Variants in ZFAND3 observed in about 807,000 individuals in gnomAD.
ZFAND3 encodes the protein zinc finger AN1-type containing 3.
In ZFAND3, 10 loss-of-function variants were observed where a neutral mutation model predicts 29.6. The observed-to-expected ratio is 0.34, with a 90% confidence interval of 0.21 to 0.57. ZFAND3 has a LOEUF of 0.57. Ranked by LOEUF, ZFAND3 falls within the 20% of genes least tolerant of loss-of-function variation. The pLI is 0.86. For synonymous variants in ZFAND3, 128 were observed against 112.6 expected (o/e 1.14, Z -0.87); for missense variants, 230 against 304.5 (o/e 0.76, Z 1.82).
chr6:37,867,657 A>G (rs923452321), intron 1 of ZFAND3, among the ~76,000 whole-genome samples: 8 of 152,214 alleles, frequency 5.3e-5, no homozygotes, highest in Admixed American at 3.3e-4. Flanking sequence ...AACTGTTTGC[A>G]TATTTTACTG....
chr6:38,091,179 G>A (rs1037658891), intron 4 of ZFAND3, among the ~76,000 whole-genome samples: 3 of 152,184 alleles, frequency 2.0e-5, no homozygotes, highest in Non-Finnish European at 4.4e-5. Context: ...GTGGCTTGTT[G>A]CTCTTTTGGA....
rs558371951 is a variant in ZFAND3, at chr6:38,043,511, C to A, written c.113-18082C>A. 6.0e-5 allele frequency among the ~76,000 whole-genome samples: 9 copies of A among 149,544 alleles called. No individual in the cohort carries two copies. The South Asian group carries it at 1.9e-3, about 32-fold the overall frequency. ...TTTCTCTTTTCTTCCTCCCTTCCTC[C>A]CTCCCTCTCTCCTTTTCTCCCCTCT... On this transcript the variant is annotated intron_variant, in intron 2 of 5. Coordinates refer to ENST00000287218, the MANE Select transcript of ZFAND3 (RefSeq NM_021943.3).
rs1011596700 is a variant in ZFAND3 at position 38,154,290 on chromosome 6, G to C, written c.*1901G>C. The C allele has an allele frequency of 7.1e-6, 7 of 985,208 alleles. No individual in the cohort carries two copies. The African/African-American group carries it at 1.0e-4, about 15-fold the overall frequency. 61.0% of individuals were successfully genotyped at this position (985,208 alleles called of 1,614,324 possible). A position where few individuals can be genotyped will look rare whatever the true frequency, so the allele number is the denominator to read the frequency against. On this transcript the variant is annotated 3_prime_UTR_variant, in exon 6 of 6. Transcript: ENST00000287218. Reference sequence around the variant, plus strand: ...GGGCCCCCCGCCCCCTCCTCTGCCTGCTGCGTGGAGGCAGCCATGGGAAGG... The same window carrying C: ...GGGCCCCCCGCCCCCTCCTCTGCCTCCTGCGTGGAGGCAGCCATGGGAAGG...
At chr6:38,029,560 C>G (rs868526859) in intron 2 of ZFAND3, among the ~76,000 whole-genome samples, 1 of 152,112 alleles carries the variant, frequency 6.6e-6, no homozygotes, top group African/African-American at 2.4e-5. Flanking sequence ...CAGGCAATGA[C>G]TAAAGTATGG....
intron 1 of ZFAND3, among the ~76,000 whole-genome samples, chr6:37,858,993 T>C (rs1477649864): frequency 1.3e-5 from 2 of 152,226 alleles, no homozygotes; most frequent in Non-Finnish European, 2.9e-5. Flanking sequence ...TTTTAAAAAA[T>C]CCTGTGTCTG....
At chr6:37,903,788 AGTTGGAATCTATCCTCT>A (rs1343272128) in intron 1 of ZFAND3, among the ~76,000 whole-genome samples, 22 of 152,228 alleles carry the variant, frequency 1.4e-4, no homozygotes, top group Admixed American at 5.2e-4. Context: ...TCCATAAATA[AGTTGGAATCTATCCTCT>A]GTACCTTGTA....
At chr6:37,928,066 G>A (rs16890267) in intron 1 of ZFAND3, among the ~76,000 whole-genome samples, 25,844 of 152,096 alleles carry the variant, frequency 0.17, 2,430 homozygotes, top group East Asian at 0.33. Flanking sequence ...TTATTCACTT[G>A]TTGATACTCA....
chr6:37,970,285 A>G (rs1302088673), intron 2 of ZFAND3, among the ~76,000 whole-genome samples: 1 of 152,194 alleles, frequency 6.6e-6, no homozygotes, highest in Non-Finnish European at 1.5e-5. Context: ...AGAAAATGTG[A>G]ATAGTTGGTA....
chr6:38,059,869 C>G (rs980306680), intron 2 of ZFAND3, among the ~76,000 whole-genome samples: 48 of 152,282 alleles, frequency 3.2e-4, no homozygotes, highest in African/African-American at 1.1e-3. Flanking sequence ...GAGTGAGACT[C>G]TGTCTCAAGA....
At chr6:37,822,600 G>C (rs1441474839) in intron 1 of ZFAND3, among the ~76,000 whole-genome samples, 1 of 152,188 alleles carries the variant, frequency 6.6e-6, no homozygotes, top group East Asian at 1.9e-4. Flanking sequence ...GGGGCAGGGG[G>C]CACAGGGAAG....
intron 1 of ZFAND3, among the ~76,000 whole-genome samples, chr6:37,852,465 C>T (rs1764298082): frequency 6.6e-6 from 1 of 151,264 alleles, no homozygotes; most frequent in Non-Finnish European, 1.5e-5. Flanking sequence ...CTCCATAAGT[C>T]TACCTAATCA....
rs752192987 is a variant in ZFAND3, at chr6:37,985,502, C to CACACACAT, written c.112+55510_112+55511insTACACACA. 7.0e-5 allele frequency among the ~76,000 whole-genome samples: 9 copies of CACACACAT among 129,414 alleles called. 1 individual carries two copies. Among genetic ancestry groups the CACACACAT allele is most frequent in the African/African-American group, 2.4e-4 (9 of 37,338 alleles). The allele number at this position is 129,414 out of a possible 152,430, so 84.9% of individuals were successfully genotyped here. A position where few individuals can be genotyped will look rare whatever the true frequency, so the allele number is the denominator to read the frequency against. ...CTGGTGGCACGTGCTTGTGGTTCCA[C>CACACACAT]ACACACACACACACACACACACACA... On this transcript the variant is annotated intron_variant, in intron 2 of 5. Transcript: ENST00000287218.
intron 1 of ZFAND3, among the ~76,000 whole-genome samples, chr6:37,914,672 C>CTTTTTTTTTTTTTTTT (rs71542148): frequency 2.6e-5 from 3 of 114,206 alleles, no homozygotes; most frequent in African/African-American, 3.6e-5. Flanking sequence ...CTTTTTTTTT[C>CTTTTTTTTTTTTTTTT]TTTTTTTTTT....
intron 2 of ZFAND3, among the ~76,000 whole-genome samples, chr6:38,047,596 G>T (rs1025862012): frequency 1.3e-5 from 2 of 152,150 alleles, no homozygotes; most frequent in African/African-American, 4.8e-5. Context: ...ATACTTCCCT[G>T]TCCTGATCAT....
chr6:37,869,864 T>C (rs1764660986), intron 1 of ZFAND3, among the ~76,000 whole-genome samples: 2 of 152,054 alleles, frequency 1.3e-5, no homozygotes, highest in Non-Finnish European at 2.9e-5. Flanking sequence ...CTTTGTTCAT[T>C]TTCTCTATTG....
rs139521956 is a variant in ZFAND3, at chr6:37,875,447, T to C, written c.72-54512T>C. On this transcript the variant is annotated intron_variant, in intron 1 of 5. Coordinates refer to ENST00000287218, the MANE Select transcript of ZFAND3 (RefSeq NM_021943.3). ...TTGTTGCTGTTCTGTTAATTCATTT[T>C]TGTGAAGATCTTAAAAGTAAATGAT... 8.9e-3 allele frequency among the ~76,000 whole-genome samples: 1,363 copies of C among 152,338 alleles called. 69 individuals carry two copies. Among genetic ancestry groups the C allele is most frequent in the Admixed American group, 0.072 (1,103 of 15,306 alleles).
At chr6:38,065,146 GTC>G (rs1561986296) in intron 3 of ZFAND3, among the ~76,000 whole-genome samples, 2 of 151,922 alleles carry the variant, frequency 1.3e-5, no homozygotes, top group African/African-American at 4.8e-5. Flanking sequence ...GTGAAACCCC[GTC>G]TCTACAAAAA....
chr6:38,144,228 TATA>T (rs1562016207), intron 5 of ZFAND3, among the ~76,000 whole-genome samples: 4,443 of 86,258 alleles, frequency 0.052, 171 homozygotes, highest in Admixed American at 0.063. Flanking sequence ...AATATATATA[TATA>T]TTTTTTTTTT....
chr6:38,122,078 T>C (rs544140268), intron 5 of ZFAND3, among the ~76,000 whole-genome samples: 19 of 152,326 alleles, frequency 1.2e-4, no homozygotes, highest in African/African-American at 4.3e-4. Context: ...ATTTATCTGT[T>C]ACTGGCATGG....
Sources: allele counts gnomAD v4.1 joint callset (sites outside exome capture counted in the v4.1 genomes callset), GRCh38; gene constraint gnomAD v4.1.1; transcripts MANE v1.5; gene names NCBI Gene and HGNC (gene_info 2026-07-23, HGNC 2026-07-21).